Variants in PLOD2 observed in about 807,000 individuals in gnomAD.
The protein encoded by PLOD2 is procollagen-lysine,2-oxoglutarate 5-dioxygenase 2.
Under a neutral mutation model 101.0 loss-of-function variants are expected in PLOD2, and 65 were observed. The observed-to-expected ratio is 0.64, with a 90% CI of 0.53 to 0.79. The LOEUF (loss-of-function observed/expected upper bound fraction) is 0.79, where lower values mean the gene tolerates loss of function less well. PLOD2 is among the 30% of genes least tolerant of loss of function. The pLI is 0.00. For synonymous variants in PLOD2, 314 were observed against 302.9 expected (o/e 1.04, Z -0.38); for missense variants, 909 against 914.6 (o/e 0.99, Z 0.08).
At chr3:146,096,012 G>C (rs1265161738) in intron 7 of PLOD2, among the ~76,000 whole-genome samples, 12 of 145,790 alleles carry the variant, frequency 8.2e-5, no homozygotes, top group East Asian at 2.1e-4. Flanking sequence ...TCAGCCTGCC[G>C]AGTGCCTGCG....
intron 7 of PLOD2, among the ~76,000 whole-genome samples, chr3:146,100,571 G>A (rs1257727828): frequency 6.6e-6 from 1 of 152,182 alleles, no homozygotes; most frequent in Admixed American, 6.5e-5. Flanking sequence ...GGAATTAGGG[G>A]GAGAGGATTC....
At chr3:146,078,154 A>C (rs1936410458) in intron 13 of PLOD2, among the ~76,000 whole-genome samples, 1 of 151,808 alleles carries the variant, frequency 6.6e-6, no homozygotes, top group African/African-American at 2.4e-5. Context: ...GTCAAACATA[A>C]GTCTAAGCTC....
At chr3:146,087,324 C>A (rs1936813005) in intron 9 of PLOD2, among the ~76,000 whole-genome samples, 1 of 151,798 alleles carries the variant, frequency 6.6e-6, no homozygotes, top group Non-Finnish European at 1.5e-5. Flanking sequence ...GTCTACTAAG[C>A]ATAATAGCCA....
rs759997264 is a variant in PLOD2 at position 146,124,243 on chromosome 3, A to C, written c.110-14T>G. 3.6e-6 allele frequency: 5 copies of C among 1,407,230 alleles called. No homozygotes were observed. 87.2% of individuals were successfully genotyped at this position (1,407,230 alleles called of 1,614,324 possible). On this transcript the variant is annotated splice_polypyrimidine_tract_variant and intron_variant, in intron 1 of 19. Transcript: ENST00000282903. ...CTAATAATTTATCTGCAAAGACAAAAGGAAACAAAAGAAGGTTTACCAAGA... is the reference window on the plus strand; with the variant it reads ...CTAATAATTTATCTGCAAAGACAAACGGAAACAAAAGAAGGTTTACCAAGA...
chr3:146,071,283 A>T lies in PLOD2; in HGVS notation c.1989T>A (p.Tyr663Ter). ...GGGGTGAGAGGATAACTACCTTCGTATAATAGCCTGCAAAGACCTTCAGTG... is the reference window on the plus strand; with the variant it reads ...GGGGTGAGAGGATAACTACCTTCGTTTAATAGCCTGCAAAGACCTTCAGTG... ...PVTLKVFAGY[Y>*]TKGFALLNFV... Residue 663 changes from tyrosine (Y) to a stop codon, truncating the protein, a stop_gained, in exon 18 of 20, where the codon TAT (tyrosine) becomes TAA (stop). Transcript: ENST00000282903. LOFTEE classifies it high-confidence loss of function. The T allele has an allele frequency of 6.2e-7, 1 of 1,612,058 alleles. No homozygotes were observed. The highest frequency in any genetic ancestry group is 8.5e-7 in the Non-Finnish European group (1 of 1,178,654).
intron 4 of PLOD2, among the ~76,000 whole-genome samples, chr3:146,109,686 T>A (rs944426242): frequency 2.6e-5 from 4 of 152,164 alleles, no homozygotes; most frequent in African/African-American, 7.2e-5. Flanking sequence ...ATTTCCAAGG[T>A]CAAATTTTAT....
intron 11 of PLOD2, 109 bp downstream of exon 11, chr3:146,085,060 A>G (rs912258323): frequency 3.2e-6 from 2 of 633,740 alleles, no homozygotes; most frequent in Admixed American, 5.8e-5. Context: ...GCTGTAGAAC[A>G]TAACTAAGTT....
chr3:146,091,815 G>T lies in PLOD2; in HGVS notation c.864C>A (p.Asp288Glu). 6.3e-7 allele frequency: 1 copy of T among 1,584,838 alleles called. No homozygotes were observed. The highest frequency in any genetic ancestry group is 8.7e-7 in the Non-Finnish European group (1 of 1,153,712). ...GCTLCEFDTV[D>E]LSAVDVHPNV... ...TTCCACTTACATCTACTGCAGACAAGTCGACTGTATCGAATTCACAAAGAG... is the reference window on the plus strand; with the variant it reads ...TTCCACTTACATCTACTGCAGACAATTCGACTGTATCGAATTCACAAAGAG... Residue 288 changes from aspartate to glutamate, a missense_variant, in exon 8 of 20, where the codon GAC becomes GAA. Physicochemically the swap from Asp to Glu is conservative, Grantham distance 45 (BLOSUM62 2). Coordinates refer to ENST00000282903, the MANE Select transcript of PLOD2 (RefSeq NM_182943.3).
chr3:146,119,510 T>C (rs1938085249), intron 3 of PLOD2, among the ~76,000 whole-genome samples: 1 of 152,144 alleles, frequency 6.6e-6, no homozygotes, highest in African/African-American at 2.4e-5. Flanking sequence ...GTTACATATG[T>C]ATACATGTGC....
At position 146,140,598 on chromosome 3, in the gene PLOD2, G is replaced by A. The variant is rs116735963; in HGVS notation, c.110-16369C>T. 9.7e-3 allele frequency among the ~76,000 whole-genome samples: 1,478 copies of A among 152,110 alleles called. 35 individuals carry two copies. Among genetic ancestry groups the A allele is most frequent in the African/African-American group, 0.034 (1,391 of 41,494 alleles). On this transcript the variant is annotated intron_variant, in intron 1 of 19. Transcript: ENST00000282903. ...GTGCTTTTTCAGAAATACACAATAC[G>A]CTTTAATAAAGAATAGGATCAGTTC...
chr3:146,101,701 T>G (rs1190255039), intron 7 of PLOD2, among the ~76,000 whole-genome samples: 1 of 152,178 alleles, frequency 6.6e-6, no homozygotes, highest in African/African-American at 2.4e-5. Context: ...GAAGGCAGTG[T>G]GGATTGAAGA....
intron 11 of PLOD2, among the ~76,000 whole-genome samples, chr3:146,083,341 A>G (rs1372194933): frequency 6.6e-6 from 1 of 152,212 alleles, no homozygotes; most frequent in Non-Finnish European, 1.5e-5. Flanking sequence ...GTAGAAAGCC[A>G]CATGCCCAAG....
At chr3:146,159,174 C>T (rs562884348) in intron 1 of PLOD2, among the ~76,000 whole-genome samples, 1 of 152,296 alleles carries the variant, frequency 6.6e-6, no homozygotes, top group East Asian at 1.9e-4. Flanking sequence ...CGACCCTAAC[C>T]GAATTCTCCA....
chr3:146,154,855 T>C (rs907032582), intron 1 of PLOD2, among the ~76,000 whole-genome samples: 1 of 152,204 alleles, frequency 6.6e-6, no homozygotes, highest in Non-Finnish European at 1.5e-5. Context: ...TAAACCTGAT[T>C]GTATTGTTTT....
chr3:146,093,522 T>C (rs1937048804), intron 7 of PLOD2, among the ~76,000 whole-genome samples: 1 of 152,202 alleles, frequency 6.6e-6, no homozygotes, highest in Non-Finnish European at 1.5e-5. Flanking sequence ...CTACAAAATA[T>C]GGTTTTGAAG....
At chr3:146,152,530 T>C (rs2032108662) in intron 1 of PLOD2, among the ~76,000 whole-genome samples, 1 of 152,116 alleles carries the variant, frequency 6.6e-6, no homozygotes, top group African/African-American at 2.4e-5. Context: ...CTAGACCATC[T>C]ATTACCACTT....
chr3:146,129,657 G>A (rs1390433649), intron 1 of PLOD2, among the ~76,000 whole-genome samples: 4 of 152,176 alleles, frequency 2.6e-5, no homozygotes. Flanking sequence ...AAGGATGCAT[G>A]TGCAAGATAG....
intron 12 of PLOD2, among the ~76,000 whole-genome samples, chr3:146,081,458 CTT>C (rs1276690927): frequency 6.6e-6 from 1 of 152,134 alleles, no homozygotes; most frequent in African/African-American, 2.4e-5. Context: ...GAGTATTACT[CTT>C]CTATCAACCA....
chr3:146,135,411 T>C (rs2031172873), intron 1 of PLOD2, among the ~76,000 whole-genome samples: 1 of 152,216 alleles, frequency 6.6e-6, no homozygotes, highest in Non-Finnish European at 1.5e-5. Context: ...CAAAAAAGTT[T>C]ATTATTCACT....
Sources: gnomAD v4.1 joint callset for allele counts (sites outside exome capture counted in the v4.1 genomes callset) on GRCh38, gnomAD v4.1.1 for gene constraint, MANE v1.5 for transcripts, NCBI Gene and HGNC (gene_info 2026-07-23, HGNC 2026-07-21) for gene names.